Variants in SLC14A2 observed in about 807,000 individuals in gnomAD.
The protein encoded by SLC14A2 is urea transporter 2.
In SLC14A2, 91 loss-of-function variants were observed where a neutral mutation model predicts 104.6. The observed-to-expected ratio is 0.87, with a 90% confidence interval of 0.73 to 1.04. The LOEUF (loss-of-function observed/expected upper bound fraction) is 1.04. Ranked by LOEUF, SLC14A2 falls within the 50% of genes least tolerant of loss-of-function variation. The pLI is 0.00. For missense variants in SLC14A2, 1,189 were observed against 1,156.0 expected (o/e 1.03, Z -0.41); for synonymous variants, 476 against 466.4 (o/e 1.02, Z -0.27).
chr18:45,351,076 G>T (rs143166652), intron 1 of SLC14A2, among the ~76,000 whole-genome samples: 1,875 of 152,202 alleles, frequency 0.012, 24 homozygotes, highest in Middle Eastern at 0.027. Flanking sequence ...TTCTCTATGT[G>T]TGTAATTGTC....
intron 1 of SLC14A2, among the ~76,000 whole-genome samples, chr18:45,458,454 A>G (rs1381454497): frequency 6.6e-6 from 1 of 152,156 alleles, no homozygotes; most frequent in Non-Finnish European, 1.5e-5. Flanking sequence ...CACTCAGGGA[A>G]AGAAGTCTTT....
chr18:45,529,901 T>C (rs895618119), intron 2 of SLC14A2: 1 of 152,130 alleles, frequency 6.6e-6, no homozygotes, highest in Non-Finnish European at 1.5e-5. Context: ...AGTGCCAGAC[T>C]CCTAACGTAT....
chr18:45,374,082 T>G (rs2085749735), intron 1 of SLC14A2, among the ~76,000 whole-genome samples: 2 of 152,320 alleles, frequency 1.3e-5, no homozygotes, highest in Middle Eastern at 3.4e-3. Context: ...TAAGATCCTG[T>G]TGCTTTCTTC....
intron 10 of SLC14A2, among the ~76,000 whole-genome samples, chr18:45,651,884 T>C (rs1020248836): frequency 1.3e-5 from 2 of 152,232 alleles, no homozygotes; most frequent in African/African-American, 4.8e-5. Context: ...GTTGCTTACA[T>C]GGACAAAAGC....
At chr18:45,489,593 A>G (rs1307602411) in intron 2 of SLC14A2, among the ~76,000 whole-genome samples, 1 of 152,172 alleles carries the variant, frequency 6.6e-6, no homozygotes, top group Non-Finnish European at 1.5e-5. Context: ...TGAGATTCAA[A>G]GAGTTTAAGT....
intron 10 of SLC14A2, among the ~76,000 whole-genome samples, chr18:45,658,353 T>G (rs7239287): frequency 0.79 from 120,802 of 152,052 alleles, 48,511 homozygotes; most frequent in Middle Eastern, 0.84. Flanking sequence ...GGCAGAGGTA[T>G]GCAGATCACC....
intron 2 of SLC14A2, among the ~76,000 whole-genome samples, chr18:45,564,627 T>C (rs2044242880): frequency 6.6e-6 from 1 of 152,212 alleles, no homozygotes; most frequent in African/African-American, 2.4e-5. Context: ...AGGAAGGGGA[T>C]GCCAGGGGGA....
chr18:45,210,441 TG>T (rs2083952213), upstream of SLC14A2, among the ~76,000 whole-genome samples: 1 of 152,110 alleles, frequency 6.6e-6, no homozygotes, highest in African/African-American at 2.4e-5. Flanking sequence ...TAGATGGGCA[TG>T]GGGGTGTGCA....
At chr18:45,458,574 T>C (rs1280675714) in intron 1 of SLC14A2, among the ~76,000 whole-genome samples, 5 of 152,202 alleles carry the variant, frequency 3.3e-5, no homozygotes, top group Admixed American at 3.3e-4. Context: ...ATTGATGCAT[T>C]TGATTTTATA....
chr18:45,281,902 T>C (rs2084766525), intron 1 of SLC14A2, among the ~76,000 whole-genome samples: 1 of 152,164 alleles, frequency 6.6e-6, no homozygotes, highest in Admixed American at 6.5e-5. Context: ...TGGCTCAGTC[T>C]CTCACCTGCC....
chr18:45,275,257 A>T (rs1214332999), intron 1 of SLC14A2, among the ~76,000 whole-genome samples: 2 of 152,238 alleles, frequency 1.3e-5, no homozygotes, highest in African/African-American at 4.8e-5. Flanking sequence ...ATTTTCTTAC[A>T]GGGTTTTGAA....
At chr18:45,353,630 C>T (rs935385715) in intron 1 of SLC14A2, among the ~76,000 whole-genome samples, 1 of 152,290 alleles carries the variant, frequency 6.6e-6, no homozygotes, top group South Asian at 2.1e-4. Flanking sequence ...GGCTTTCCTT[C>T]CCACCACATC....
In SLC14A2 at chr18:45,625,953, C is replaced by T. The variant is rs578051251; in HGVS notation, c.331+90C>T. 46 of 979,268 alleles carry T rather than the reference C, an allele frequency of 4.7e-5. No homozygotes were observed. In the South Asian group the frequency reaches 1.3e-3, roughly 28 times the overall value. 60.7% of individuals were successfully genotyped at this position (979,268 alleles called of 1,614,324 possible). ...GGTTTGGTCCAAAGCTTCTCCCTCA[C>T]TCATTCACCCTCACCCTGGGTGGAT... On this transcript the variant is annotated intron_variant, in intron 3 of 19. Coordinates refer to ENST00000255226, the MANE Select transcript of SLC14A2 (RefSeq NM_007163.4).
upstream of SLC14A2, among the ~76,000 whole-genome samples, chr18:45,611,101 C>T (rs1384916715): frequency 6.6e-6 from 1 of 152,164 alleles, no homozygotes; most frequent in Non-Finnish European, 1.5e-5. Context: ...TCAACACCAG[C>T]CCATTAAGCA....
In SLC14A2 at chr18:45,673,795, G is replaced by T; in HGVS notation, c.2490G>T (p.Thr830=). 1 of 1,614,076 alleles carries T rather than the reference G, an allele frequency of 6.2e-7. No homozygotes were observed. The highest frequency in any genetic ancestry group is 8.5e-7 in the Non-Finnish European group (1 of 1,179,922). ...TGTTCTACGTCATCACCTGGCAGAC[G>T]CACCTCCTCGCCATCGCCTGCGGTA... ...GGMFYVITWQ[T]HLLAIACALF... Residue 830 remains threonine (T), a synonymous_variant, in exon 18 of 20, where the codon ACG becomes ACT. Transcript: ENST00000255226.
intron 11 of SLC14A2, among the ~76,000 whole-genome samples, chr18:45,664,110 G>T (rs2045975595): frequency 6.6e-6 from 1 of 152,176 alleles, no homozygotes; most frequent in Non-Finnish European, 1.5e-5. Flanking sequence ...CTGAAGCTGG[G>T]ACAGGCAGTG....
At chr18:45,642,997 C>T (rs983318361) in intron 8 of SLC14A2, 135 bp from the exon 9 acceptor site, 1 of 724,232 alleles carries the variant, frequency 1.4e-6, no homozygotes, top group Non-Finnish European at 2.4e-6. Flanking sequence ...GCTGTCAGGG[C>T]ATGGTGCAGA....
chr18:45,492,909 A>G (rs970835700), intron 2 of SLC14A2: 2 of 152,176 alleles, frequency 1.3e-5, no homozygotes, highest in African/African-American at 4.8e-5. Context: ...ACTTGAGACA[A>G]TTATCTTGAA....
intron 1 of SLC14A2, among the ~76,000 whole-genome samples, chr18:45,371,859 G>A (rs1050422647): frequency 7.9e-5 from 12 of 152,126 alleles, no homozygotes; most frequent in Non-Finnish European, 1.5e-4. Context: ...ATTCATTGAC[G>A]AGTATGTGTA....
Sources: gnomAD v4.1 joint callset for allele counts (sites outside exome capture counted in the v4.1 genomes callset) on GRCh38, gnomAD v4.1.1 for gene constraint, MANE v1.5 for transcripts, NCBI Gene and HGNC (gene_info 2026-07-23, HGNC 2026-07-21) for gene names.